The following PARVA variants were observed in gnomAD, a reference collection of about 807,000 sequenced individuals.
The protein encoded by PARVA is parvin alpha.
A neutral mutation model predicts 52.6 loss-of-function variants in PARVA; 25 were observed. The ratio of observed to expected loss-of-function variants is 0.48; its 90% CI spans 0.35 to 0.66. The LOEUF (loss-of-function observed/expected upper bound fraction) is 0.66, where lower values mean the gene tolerates loss of function less well. Among genes scored for constraint, PARVA ranks in the 30% least tolerant of loss-of-function variants. The pLI is 0.01. For missense variants in PARVA, 373 were observed against 450.9 expected (o/e 0.83, Z 1.56); for synonymous variants, 185 against 179.1 (o/e 1.03, Z -0.26).
At position 12,470,738 on chromosome 11, in the gene PARVA, T is replaced by C. The variant is rs181512012; in HGVS notation, c.137-3007T>C. Among the ~76,000 whole-genome samples the C allele has an allele frequency of 7.8e-4, 119 of 152,188 alleles. 1 individual carries two copies. The East Asian group carries it at 0.017, about 22-fold the overall frequency. The stretch of plus-strand genomic sequence containing the variant: ...TGGGAGGGCGCTAATCAGAGTCTCA[T>C]AGAATAAAACCTCAGCTCCTACCTA... On this transcript the variant is annotated intron_variant, in intron 1 of 12. Transcript: ENST00000334956.
At chr11:12,447,017 C>T (rs1940556385) in intron 1 of PARVA, among the ~76,000 whole-genome samples, 1 of 152,198 alleles carries the variant, frequency 6.6e-6, no homozygotes, top group South Asian at 2.1e-4. Context: ...TCTCTGTCTC[C>T]TCTCTATGTC....
intron 1 of PARVA, among the ~76,000 whole-genome samples, chr11:12,447,422 CAG>C (rs149668849): frequency 6.6e-6 from 1 of 151,762 alleles, no homozygotes; most frequent in African/African-American, 2.4e-5. Flanking sequence ...ATGTCTTCAG[CAG>C]AGAGAGAGAG....
intron 5 of PARVA, among the ~76,000 whole-genome samples, chr11:12,503,762 A>G (rs115227421): frequency 0.019 from 2,948 of 152,240 alleles, 73 homozygotes; most frequent in East Asian, 0.11. Flanking sequence ...GAGGGGGCCC[A>G]GAGTGAGGCC....
intron 1 of PARVA, among the ~76,000 whole-genome samples, chr11:12,433,542 T>C (rs1940344677): frequency 6.6e-6 from 1 of 152,198 alleles, no homozygotes; most frequent in Admixed American, 6.5e-5. Context: ...CTTCTAATGT[T>C]TCCTTTTAAA....
At chr11:12,459,299 G>A (rs1177249491) in intron 1 of PARVA, among the ~76,000 whole-genome samples, 1 of 152,020 alleles carries the variant, frequency 6.6e-6, no homozygotes, top group Non-Finnish European at 1.5e-5. Context: ...CAGCTACTCA[G>A]GAGGTTAAGG....
chr11:12,522,920 G>A (rs1033074076), intron 12 of PARVA, among the ~76,000 whole-genome samples: 1 of 152,136 alleles, frequency 6.6e-6, no homozygotes, highest in Non-Finnish European at 1.5e-5. Context: ...AAGCAAGGAA[G>A]TAATCATAAG....
intron 1 of PARVA, among the ~76,000 whole-genome samples, chr11:12,403,254 G>A (rs1391704696): frequency 6.6e-6 from 1 of 152,248 alleles, no homozygotes; most frequent in African/African-American, 2.4e-5. Flanking sequence ...AGGAGGAGGG[G>A]GAGAAGGAAT....
At chr11:12,482,156 CAAAAAAAAAAA>C (rs60933434) in intron 4 of PARVA, among the ~76,000 whole-genome samples, 2 of 60,654 alleles carry the variant, frequency 3.3e-5, no homozygotes, top group African/African-American at 5.2e-5. Flanking sequence ...AACCCTGTCT[CAAAAAAAAAAA>C]AAAAAGAAAA....
Position 12,528,024 on chromosome 11 carries a change from C to G in PARVA, c.*99C>G. ...ACCCTGCTTATTCCTGTCTCTTGCA[C>G]TGTGCTCTCCCACAAGTCCAGCTGC... On this transcript the variant is annotated 3_prime_UTR_variant, in exon 13 of 13. Coordinates refer to ENST00000334956, the MANE Select transcript of PARVA (RefSeq NM_018222.5). 1 of 833,126 alleles carries G rather than the reference C, an allele frequency of 1.2e-6. No homozygotes were observed. The highest frequency in any genetic ancestry group is 2.4e-5 in the East Asian group (1 of 41,058). The allele number at this position is 833,126 out of a possible 1,614,324, so 51.6% of individuals were successfully genotyped here.
intron 1 of PARVA, among the ~76,000 whole-genome samples, chr11:12,392,700 A>G (rs1896127): frequency 0.22 from 33,845 of 152,128 alleles, 4,657 homozygotes; most frequent in African/African-American, 0.39. Flanking sequence ...AAGTTTTGGT[A>G]TAGACACATA....
At chr11:12,410,199 C>A (rs955853477) in intron 1 of PARVA, among the ~76,000 whole-genome samples, 2 of 152,206 alleles carry the variant, frequency 1.3e-5, no homozygotes, top group African/African-American at 2.4e-5. Flanking sequence ...CCACCCAGGC[C>A]CCCGGGACTG....
At chr11:12,505,768 A>G (rs1941424978) in intron 6 of PARVA, among the ~76,000 whole-genome samples, 1 of 152,230 alleles carries the variant, frequency 6.6e-6, no homozygotes, top group Non-Finnish European at 1.5e-5. Flanking sequence ...CTTCCTAGTG[A>G]GTCCAGGTCA....
chr11:12,509,750 A>G lies in PARVA; in HGVS notation c.716+1108A>G, dbSNP rs139531836. 3.9e-5 allele frequency among the ~76,000 whole-genome samples: 6 copies of G among 152,298 alleles called. No homozygotes were observed. The East Asian group carries it at 1.2e-3, about 29-fold the overall frequency. The stretch of plus-strand genomic sequence containing the variant: ...TCAAGCAGCCTCTGTATCACCTCAG[A>G]GGCCAGTCTTGGTAGCTGAAGGGTC... On this transcript the variant is annotated intron_variant, in intron 7 of 12. Transcript: ENST00000334956.
intron 10 of PARVA, among the ~76,000 whole-genome samples, chr11:12,517,313 A>ACCCCCACCCCCCT (rs1941580994): frequency 3.0e-5 from 2 of 66,216 alleles, no homozygotes; most frequent in African/African-American, 5.5e-5. Context: ...ACCACCCCCC[A>ACCCCCACCCCCCT]CCCCCCACCC....
intron 12 of PARVA, among the ~76,000 whole-genome samples, chr11:12,526,061 A>G (rs1016568245): frequency 6.6e-6 from 1 of 152,094 alleles, no homozygotes; most frequent in Non-Finnish European, 1.5e-5. Context: ...AGAGACTGAG[A>G]ATGGCACAGG....
chr11:12,471,369 T>C (rs1348419260), intron 1 of PARVA, among the ~76,000 whole-genome samples: 2 of 152,214 alleles, frequency 1.3e-5, no homozygotes, highest in African/African-American at 2.4e-5. Flanking sequence ...CTTACTCTTT[T>C]AAAAATTTTA....
intron 1 of PARVA, among the ~76,000 whole-genome samples, chr11:12,467,869 C>T (rs1406751109): frequency 6.6e-6 from 1 of 152,116 alleles, no homozygotes; most frequent in Non-Finnish European, 1.5e-5. Context: ...GAATTCAAGA[C>T]CCTAACACTC....
chr11:12,407,727 G>A (rs1303560455), intron 1 of PARVA, among the ~76,000 whole-genome samples: 2 of 152,124 alleles, frequency 1.3e-5, no homozygotes, highest in African/African-American at 4.8e-5. Flanking sequence ...GGTTCTCCCT[G>A]CATCACTCTC....
chr11:12,471,330 T>C (rs561241927), intron 1 of PARVA, among the ~76,000 whole-genome samples: 1 of 151,380 alleles, frequency 6.6e-6, no homozygotes, highest in South Asian at 2.1e-4. Flanking sequence ...TGGACATTAG[T>C]TGAATGGGAT....
Sources: gnomAD v4.1 joint callset for allele counts (sites outside exome capture counted in the v4.1 genomes callset) on GRCh38, gnomAD v4.1.1 for gene constraint, MANE v1.5 for transcripts, NCBI Gene and HGNC (gene_info 2026-07-23, HGNC 2026-07-21) for gene names.